The following NELL1 variants were observed in gnomAD, a reference collection of about 807,000 sequenced individuals.
NELL1 encodes the protein neural EGFL like 1, also known as protein kinase C-binding protein NELL1.
In NELL1, 76 loss-of-function variants were observed where a neutral mutation model predicts 107.4. The ratio of observed to expected loss-of-function variants is 0.71; its 90% CI spans 0.59 to 0.86. NELL1 has a LOEUF of 0.86. Ranked by LOEUF, NELL1 falls within the 40% of genes least tolerant of loss-of-function variation. The pLI is 0.00. For synonymous variants in NELL1, 353 were observed against 341.2 expected, an observed-to-expected ratio of 1.03 and a Z score of -0.38; for missense variants, 1,024 against 1,005.5, an observed-to-expected ratio of 1.02 and a Z score of -0.25.
At chr11:21,157,076 C>T (rs1019498342) in intron 13 of NELL1, among the ~76,000 whole-genome samples, 1 of 151,722 alleles carries the variant, frequency 6.6e-6, no homozygotes, top group African/African-American at 2.4e-5. Flanking sequence ...CAATTTTAGC[C>T]TGGGCAACAG....
intron 12 of NELL1, among the ~76,000 whole-genome samples, chr11:21,016,836 T>C (rs887973245): frequency 6.6e-6 from 1 of 152,022 alleles, no homozygotes; most frequent in South Asian, 2.1e-4. Flanking sequence ...CTCTCTTTTT[T>C]CCCCCTAACT....
At chr11:21,136,092 A>G (rs954587680) in intron 13 of NELL1, among the ~76,000 whole-genome samples, 12 of 152,368 alleles carry the variant, frequency 7.9e-5, no homozygotes, top group African/African-American at 2.6e-4. Flanking sequence ...AGAGGGCTAA[A>G]TTACATAGGG....
intron 14 of NELL1, among the ~76,000 whole-genome samples, chr11:21,361,249 T>G (rs2133737769): frequency 6.8e-6 from 1 of 146,792 alleles, no homozygotes; most frequent in African/African-American, 2.5e-5. Flanking sequence ...TACAAATTCC[T>G]TGTGTGACAA....
chr11:21,495,095 T>G (rs1854942628), intron 15 of NELL1, among the ~76,000 whole-genome samples: 2 of 152,108 alleles, frequency 1.3e-5, no homozygotes. Flanking sequence ...CCATTGCCAA[T>G]AGCTAATTTT....
chr11:20,714,193 G>GA (rs1320177666), intron 2 of NELL1, among the ~76,000 whole-genome samples: 2 of 69,106 alleles, frequency 2.9e-5, no homozygotes, highest in East Asian at 6.1e-4. Flanking sequence ...CTATCTCCCC[G>GA]ATTTTTTTTT....
intron 13 of NELL1, among the ~76,000 whole-genome samples, chr11:21,178,451 GAAATTT>G (rs1856756267): frequency 1.3e-5 from 2 of 151,802 alleles, no homozygotes; most frequent in East Asian, 3.9e-4. Context: ...GTCATAATGA[GAAATTT>G]ATTTCTTTTT....
intron 13 of NELL1, among the ~76,000 whole-genome samples, chr11:21,124,168 C>CTA (rs774921520): frequency 2.0e-4 from 31 of 151,912 alleles, no homozygotes; most frequent in Non-Finnish European, 3.2e-4. Flanking sequence ...GACAATGAAC[C>CTA]TATATACATA....
intron 14 of NELL1, among the ~76,000 whole-genome samples, chr11:21,312,873 T>A (rs1849779593): frequency 6.6e-6 from 1 of 152,096 alleles, no homozygotes; most frequent in Non-Finnish European, 1.5e-5. Context: ...CTCCTCTTAC[T>A]CACCTCTCAG....
intron 12 of NELL1, among the ~76,000 whole-genome samples, chr11:21,089,071 G>C (rs1374849305): frequency 2.0e-5 from 3 of 152,130 alleles, no homozygotes; most frequent in Non-Finnish European, 1.5e-5. Flanking sequence ...CATGAATGGG[G>C]GATGGGACAT....
chr11:21,133,109 A>T (rs565275511), intron 13 of NELL1, among the ~76,000 whole-genome samples: 1 of 152,090 alleles, frequency 6.6e-6, no homozygotes, highest in African/African-American at 2.4e-5. Flanking sequence ...GGTCATCCCA[A>T]CAAGTGTCCA....
At chr11:21,389,740 T>C (rs752692943) in intron 15 of NELL1, among the ~76,000 whole-genome samples, 14 of 151,834 alleles carry the variant, frequency 9.2e-5, no homozygotes, top group Non-Finnish European at 1.6e-4. Context: ...ATTCATGCTG[T>C]GAATTGGTTG....
intron 15 of NELL1, among the ~76,000 whole-genome samples, chr11:21,376,075 G>T (rs1851469008): frequency 6.6e-6 from 1 of 151,978 alleles, no homozygotes; most frequent in South Asian, 2.1e-4. Context: ...GTCAATTTTT[G>T]TTTTTGTTGC....
chr11:21,162,124 T>C (rs1208592748), intron 13 of NELL1, among the ~76,000 whole-genome samples: 1 of 151,964 alleles, frequency 6.6e-6, no homozygotes, highest in African/African-American at 2.4e-5. Context: ...CTAAGTTTTG[T>C]ATGTTTAGTA....
intron 14 of NELL1, among the ~76,000 whole-genome samples, chr11:21,323,120 A>T (rs1170629103): frequency 6.6e-6 from 1 of 152,192 alleles, no homozygotes; most frequent in African/African-American, 2.4e-5. Flanking sequence ...AAAACAATGA[A>T]GTAGAGTACT....
intron 11 of NELL1, among the ~76,000 whole-genome samples, chr11:20,950,734 T>C (rs1851053759): frequency 6.6e-6 from 1 of 152,240 alleles, no homozygotes; most frequent in African/African-American, 2.4e-5. Context: ...GTGGACTGAT[T>C]GTCCACAGAC....
Position 21,575,234 on chromosome 11 carries a change from T to G in NELL1, c.*212T>G. On this transcript the variant is annotated 3_prime_UTR_variant, in exon 20 of 20. Transcript: ENST00000357134. Reference sequence around the variant, plus strand: ...CTAACCTAGTCTAGGTGACCTACAGTGCCGTGCATTTAAGTCAATGGTTGT... The same window carrying G: ...CTAACCTAGTCTAGGTGACCTACAGGGCCGTGCATTTAAGTCAATGGTTGT... 1 of 528,276 alleles carries G rather than the reference T, an allele frequency of 1.9e-6. No homozygotes were observed. Among genetic ancestry groups the G allele is most frequent in the South Asian group, 2.6e-5 (1 of 38,260 alleles). The allele number at this position is 528,276 out of a possible 1,614,324, so 32.7% of individuals were successfully genotyped here.
chr11:20,872,410 G>C (rs12807625), intron 4 of NELL1, among the ~76,000 whole-genome samples: 1 of 152,016 alleles, frequency 6.6e-6, no homozygotes, highest in African/African-American at 2.4e-5. Flanking sequence ...AGAATTCCTG[G>C]GCTCAAGTGA....
chr11:21,345,205 T>A (rs906191368), intron 14 of NELL1, among the ~76,000 whole-genome samples: 1 of 152,144 alleles, frequency 6.6e-6, no homozygotes, highest in African/African-American at 2.4e-5. Flanking sequence ...CAAAGGAAGA[T>A]TTAGGGAATG....
chr11:21,229,600 G>A (rs192010150), intron 14 of NELL1, 146 bp downstream of exon 14: 255 of 1,134,196 alleles, frequency 2.2e-4, no homozygotes, highest in African/African-American at 9.6e-4. Context: ...GGTACTGTGC[G>A]TCAGGGAAAA....
Sources: gnomAD v4.1 joint callset for allele counts (sites outside exome capture counted in the v4.1 genomes callset) on GRCh38, gnomAD v4.1.1 for gene constraint, MANE v1.5 for transcripts, NCBI Gene and HGNC (gene_info 2026-07-23, HGNC 2026-07-21) for gene names.